SRFBP1: variants seen among roughly 807,000 people sequenced by gnomAD.
The protein encoded by SRFBP1 is serum response factor-binding protein 1.
Under a neutral mutation model 45.5 loss-of-function variants are expected in SRFBP1, and 47 were observed. That is an observed-to-expected ratio of 1.03 (90% CI 0.82 to 1.32). The LOEUF (loss-of-function observed/expected upper bound fraction) is 1.32, where lower values mean the gene tolerates loss of function less well. Among genes scored for constraint, SRFBP1 ranks in the 40% most tolerant of loss-of-function variants. SRFBP1 has a pLI of 0.00. For missense variants in SRFBP1, 621 were observed against 484.6 expected (o/e 1.28, Z -2.64); for synonymous variants, 203 against 166.3 (o/e 1.22, Z -1.70).
rs1468476999 is a variant in SRFBP1 at position 122,028,003 on chromosome 5, T to C, written c.*877T>C. ...TAGATTCTAATTTTTAAGAACAAAT[T>C]CTGAAGGTGGTAGGATTAAAAGAAT... On this transcript the variant is annotated 3_prime_UTR_variant, in exon 8 of 8. Coordinates refer to ENST00000339397, the MANE Select transcript of SRFBP1 (RefSeq NM_152546.3). 1 of 152,180 alleles carries C rather than the reference T, an allele frequency of 6.6e-6. No homozygotes were observed. Among genetic ancestry groups the C allele is most frequent in the African/African-American group, 2.4e-5 (1 of 41,442 alleles). The allele number at this position is 152,180 out of a possible 1,614,324, so 9.4% of individuals were successfully genotyped here.
chr5:122,024,894 A>C (rs1027719937), intron 7 of SRFBP1, among the ~76,000 whole-genome samples: 1 of 152,202 alleles, frequency 6.6e-6, no homozygotes, highest in Non-Finnish European at 1.5e-5. Flanking sequence ...TTCATTTAGA[A>C]ATACTACCTT....
At chr5:122,063,850 A>G (rs565941498) in intron 2 of SRFBP1, 144 of 152,068 alleles carry the variant, frequency 9.5e-4, no homozygotes, top group African/African-American at 3.4e-3. Flanking sequence ...AAGTGTGACT[A>G]TCCTATGAGA....
intron 6 of SRFBP1, among the ~76,000 whole-genome samples, chr5:122,021,520 G>A (rs572394138): frequency 4.1e-4 from 62 of 152,010 alleles, no homozygotes; most frequent in Non-Finnish European, 7.1e-4. Flanking sequence ...TTTCAAAAAT[G>A]TCACAGTATG....
At chr5:122,000,249 G>T (rs944976129) in intron 4 of SRFBP1, among the ~76,000 whole-genome samples, 3 of 151,866 alleles carry the variant, frequency 2.0e-5, no homozygotes, top group African/African-American at 7.3e-5. Context: ...TGCCATTGTT[G>T]TTAAACATTT....
chr5:121,967,140 G>A (rs1019469177), intron 1 of SRFBP1, among the ~76,000 whole-genome samples: 1 of 151,954 alleles, frequency 6.6e-6, no homozygotes, highest in Non-Finnish European at 1.5e-5. Context: ...TTAGAAAATT[G>A]CTTTTCATTT....
intron 3 of SRFBP1, among the ~76,000 whole-genome samples, chr5:121,983,855 G>A (rs1752465380): frequency 6.6e-6 from 1 of 151,580 alleles, no homozygotes; most frequent in African/African-American, 2.4e-5. Context: ...AACTTACTTT[G>A]TTTTATTTTA....
downstream of SRFBP1, chr5:122,077,193 C>T: frequency 6.8e-7 from 1 of 1,469,574 alleles, no homozygotes; most frequent in Non-Finnish European, 9.0e-7. The surrounding 1 kb of genome is among the most constrained non-coding windows in gnomAD (Gnocchi z 4.9). Flanking sequence ...AGGGGCCAGA[C>T]GCGCGGTTTG....
chr5:121,980,618 T>C (rs554229008), intron 3 of SRFBP1, among the ~76,000 whole-genome samples: 1 of 152,264 alleles, frequency 6.6e-6, no homozygotes, highest in Admixed American at 6.5e-5. Flanking sequence ...AGAAAAATGT[T>C]GTTTCCTTTC....
At chr5:121,982,118 G>T (rs1752421011) in intron 3 of SRFBP1, among the ~76,000 whole-genome samples, 1 of 151,856 alleles carries the variant, frequency 6.6e-6, no homozygotes, top group Non-Finnish European at 1.5e-5. Context: ...GAGGAAAAAG[G>T]TTCTTCATTT....
chr5:122,056,549 C>T (rs1754080990), intron 2 of SRFBP1, among the ~76,000 whole-genome samples: 1 of 152,108 alleles, frequency 6.6e-6, no homozygotes. Flanking sequence ...AAGCACTATT[C>T]AATTTTTCTA....
At chr5:121,998,259 C>G (rs1238451976) in intron 4 of SRFBP1, among the ~76,000 whole-genome samples, 1 of 151,730 alleles carries the variant, frequency 6.6e-6, no homozygotes, top group Non-Finnish European at 1.5e-5. Context: ...AGACTTGGAA[C>G]CAACCCAAAT....
chr5:121,975,067 C>CA (rs1375121651), intron 2 of SRFBP1, among the ~76,000 whole-genome samples: 3 of 151,794 alleles, frequency 2.0e-5, no homozygotes, highest in Admixed American at 1.3e-4. Flanking sequence ...GGCAAACTAT[C>CA]AAAAGTAATA....
intron 3 of SRFBP1, among the ~76,000 whole-genome samples, chr5:121,985,252 A>G (rs1752487134): frequency 6.6e-6 from 1 of 151,826 alleles, no homozygotes; most frequent in Non-Finnish European, 1.5e-5. Flanking sequence ...GAGTCTTAAA[A>G]GTTGAATGAA....
At chr5:122,065,854 A>T (rs1355293774) in intron 2 of SRFBP1, 1 of 152,040 alleles carries the variant, frequency 6.6e-6, no homozygotes, top group African/African-American at 2.4e-5. Context: ...AAATACTTTA[A>T]TATGTTTAAA....
chr5:122,073,557 T>C (rs1754517801), intron 2 of SRFBP1, among the ~76,000 whole-genome samples: 1 of 152,194 alleles, frequency 6.6e-6, no homozygotes, highest in South Asian at 2.1e-4. Context: ...CAGAGATATC[T>C]TTTTTTACAG....
chr5:122,003,440 G>C (rs1415405199), intron 4 of SRFBP1, among the ~76,000 whole-genome samples: 10 of 151,984 alleles, frequency 6.6e-5, no homozygotes, highest in Non-Finnish European at 1.5e-4. Context: ...GAACAGAATA[G>C]TGCTAATTAA....
chr5:122,054,147 A>G (rs546235716), intron 2 of SRFBP1, among the ~76,000 whole-genome samples: 1 of 152,308 alleles, frequency 6.6e-6, no homozygotes, highest in Admixed American at 6.5e-5. Flanking sequence ...CAAAGCTTGT[A>G]GAGGTCCCTT....
At chr5:122,040,261 G>A (rs1471661759) in intron 2 of SRFBP1, among the ~76,000 whole-genome samples, 2 of 151,906 alleles carry the variant, frequency 1.3e-5, no homozygotes, top group East Asian at 1.9e-4. Context: ...GTGTGAATTG[G>A]GCCTATACTA....
intron 4 of SRFBP1, among the ~76,000 whole-genome samples, chr5:122,013,214 A>G (rs1753130305): frequency 6.6e-6 from 1 of 152,108 alleles, no homozygotes; most frequent in African/African-American, 2.4e-5. Flanking sequence ...ATTTTTGAAT[A>G]TATTTTGTTA....
Sources: allele counts gnomAD v4.1 joint callset (sites outside exome capture counted in the v4.1 genomes callset), GRCh38; gene constraint gnomAD v4.1.1; non-coding constraint Gnocchi (gnomAD v3.1); transcripts MANE v1.5; gene names NCBI Gene and HGNC (gene_info 2026-07-23, HGNC 2026-07-21).